Variants in ZNF575 observed in about 807,000 individuals in gnomAD.
ZNF575 encodes zinc finger protein 575.
ZNF575 carries 17 observed loss-of-function variants against 17.5 expected under a neutral mutation model. The ratio of observed to expected loss-of-function variants is 0.97; its 90% CI spans 0.66 to 1.45. The LOEUF is 1.45. Among genes scored for constraint, ZNF575 ranks in the 40% most tolerant of loss-of-function variants. The pLI, the probability that ZNF575 is intolerant of heterozygous loss-of-function variation, is 0.00. For synonymous variants in ZNF575, 146 were observed against 158.3 expected, an observed-to-expected ratio of 0.92 and a Z score of 0.58; for missense variants, 352 against 359.2, an observed-to-expected ratio of 0.98 and a Z score of 0.16.
At chr19:43,534,856 C>T (rs544849547) in intron 3 of ZNF575, among the ~76,000 whole-genome samples, 173 bp from the exon 4 acceptor site, 1 of 151,892 alleles carries the variant, frequency 6.6e-6, no homozygotes, top group African/African-American at 2.4e-5. Flanking sequence ...CTCAGAATGA[C>T]GCCTGGGGGG....
Position 43,535,620 on chromosome 19 carries a change from A to G in ZNF575, c.671A>G (p.Gln224Arg), listed in dbSNP as rs1445952386. 2 of 1,613,642 alleles carry G rather than the reference A, an allele frequency of 1.2e-6. No individual in the cohort carries two copies. The highest frequency in any genetic ancestry group is 1.3e-5 in the African/African-American group (1 of 75,062). The change falls in exon 4 of 4, where the codon CAG becomes CGG. Residue 224 changes from glutamine to arginine, a missense_variant. By Grantham distance (43) the Gln-to-Arg change is conservative. Transcript: ENST00000314228. ...RCSSCGQAFG[Q>R]RRLLLLHQRS... ...TCCAGCTGCGGCCAGGCCTTTGGCC[A>G]GAGACGCTTACTGCTCCTTCATCAA... is the stretch of plus-strand genomic sequence containing the variant.
upstream of ZNF575, among the ~76,000 whole-genome samples, chr19:43,532,630 C>G (rs747691967): frequency 3.1e-4 from 47 of 152,194 alleles, no homozygotes; most frequent in African/African-American, 2.4e-5. Flanking sequence ...GATCGCCAGA[C>G]CTTGCGGGTT....
chr19:43,532,626 C>T (rs1260142131), upstream of ZNF575, among the ~76,000 whole-genome samples: 1 of 152,164 alleles, frequency 6.6e-6, no homozygotes, highest in African/African-American at 2.4e-5. Context: ...CAGGGATCGC[C>T]AGACCTTGCG....
Position 43,533,879 on chromosome 19 carries a change from AACTGAG to A in ZNF575, c.-106_-101del, listed in dbSNP as rs1972376779. The A allele has an allele frequency of 6.5e-6, 1 of 153,154 alleles. No individual in the cohort carries two copies. Among genetic ancestry groups the A allele is most frequent in the Non-Finnish European group, 1.5e-5 (1 of 68,630 alleles). The allele number at this position is 153,154 out of a possible 1,614,324, so 9.5% of individuals were successfully genotyped here. On this transcript the variant is annotated 5_prime_UTR_variant, in exon 2 of 4. The change abolishes the stop of an existing upstream ORF in the 5' untranslated region. Transcript: ENST00000314228. ...GGGCGCAGTTGACGCGGCGTCAATGAACTGAGACTAAGTCAAAAGCCGGGTAAAGCT... is the reference window on the plus strand; with the variant it reads ...GGGCGCAGTTGACGCGGCGTCAATGAACTAAGTCAAAAGCCGGGTAAAGCT...
At position 43,535,074 on chromosome 19, in the gene ZNF575, G is replaced by A. The variant is rs541167010; in HGVS notation, c.125G>A (p.Gly42Glu). 15 of 1,490,766 alleles carry A rather than the reference G, an allele frequency of 1.0e-5. No individual in the cohort carries two copies. In the South Asian group the frequency reaches 1.4e-4, roughly 14 times the overall value. The allele number at this position is 1,490,766 out of a possible 1,614,324, so 92.3% of individuals were successfully genotyped here. Residue 42 changes from glycine to glutamate, a missense_variant, in exon 4 of 4, where the codon GGG becomes GAG. Gly to Glu is a moderately conservative substitution (Grantham distance 98, BLOSUM62 -2). Transcript: ENST00000314228. ...CAGAAGCCCAGCCAGTCAGCTCCAG[G>A]GCCCACCGCGTCCGCGGGCTCGCCT... ...PPQKPSQSAPGPTASAGSPPR... is the reference protein window; with the variant it reads ...PPQKPSQSAPEPTASAGSPPR...
intron 3 of ZNF575, among the ~76,000 whole-genome samples, chr19:43,534,708 C>T (rs1296425546): frequency 6.6e-6 from 1 of 152,190 alleles, no homozygotes; most frequent in African/African-American, 2.4e-5. Flanking sequence ...GGAAATGAGC[C>T]TTACAGAAGG....
Position 43,535,691 on chromosome 19 carries a change from C to A in ZNF575, c.*4C>A. On this transcript the variant is annotated 3_prime_UTR_variant, in exon 4 of 4. Coordinates refer to ENST00000314228, the MANE Select transcript of ZNF575 (RefSeq NM_174945.3). ...GCACAAGGGGGAGAGAGACTGAGCC[C>A]TCCCTTGGCTCACTGTCCCCTTCTG... The A allele has an allele frequency of 6.3e-7, 1 of 1,592,978 alleles. No individual in the cohort carries two copies. Among genetic ancestry groups the A allele is most frequent in the South Asian group, 1.1e-5 (1 of 89,560 alleles).
Position 43,534,449 on chromosome 19 carries a change from G to A in ZNF575, c.27G>A (p.Ala9=), listed in dbSNP as rs547809252. Residue 9 remains alanine (A), a synonymous_variant, in exon 3 of 4, where the codon GCG becomes GCA. Transcript: ENST00000314228. ...TGCTGGAGCGAGGCGCGGAGTCCGCGGCCGGGGCTACCGATCCTAGTCCCA... is the reference window on the plus strand; with the variant it reads ...TGCTGGAGCGAGGCGCGGAGTCCGCAGCCGGGGCTACCGATCCTAGTCCCA... MLERGAES[A]AGATDPSPTG... The A allele has an allele frequency of 6.5e-7, 1 of 1,542,668 alleles. No individual in the cohort carries two copies. Among genetic ancestry groups the A allele is most frequent in the Non-Finnish European group, 8.7e-7 (1 of 1,145,262 alleles).
At chr19:43,531,826 C>A (rs944412815), upstream of ZNF575, 3 of 689,742 alleles carry the variant, frequency 4.3e-6, no homozygotes, top group African/African-American at 1.8e-5. Context: ...CACTCTGTTG[C>A]GCAGGCTGGA....
At position 43,534,353 on chromosome 19, in the gene ZNF575, C is replaced by A. The variant is rs1395708012; in HGVS notation, c.-70C>A. Reference sequence around the variant, plus strand: ...TCATTTTAGGCCCTCCAACCCTATCCCCATCAGCCTGGTCATCACCGGCGT... The same window carrying A: ...TCATTTTAGGCCCTCCAACCCTATCACCATCAGCCTGGTCATCACCGGCGT... On this transcript the variant is annotated 5_prime_UTR_variant, in exon 3 of 4. Transcript: ENST00000314228. 7.0e-7 allele frequency: 1 copy of A among 1,432,752 alleles called. No homozygotes were observed. The highest frequency in any genetic ancestry group is 2.6e-5 in the East Asian group (1 of 39,004). The allele number at this position is 1,432,752 out of a possible 1,614,324, so 88.8% of individuals were successfully genotyped here.
upstream of ZNF575, chr19:43,531,739 A>G: frequency 1.8e-6 from 1 of 563,958 alleles, no homozygotes; most frequent in South Asian, 2.1e-5. Flanking sequence ...GGAAGAGTGG[A>G]TGGGGGGTAA....
rs1161924813 is a variant in ZNF575 at position 43,535,976 on chromosome 19, T to C, written c.*289T>C. 9 of 414,628 alleles carry C rather than the reference T, an allele frequency of 2.2e-5. No homozygotes were observed. The South Asian group carries it at 2.9e-4, about 13-fold the overall frequency. The allele number at this position is 414,628 out of a possible 1,614,324, so 25.7% of individuals were successfully genotyped here. A position where few individuals can be genotyped will look rare whatever the true frequency, so the allele number is the denominator to read the frequency against. ...TAAAAAGTCTGCTACTATCGTGGGT[T>C]GATGAGGATTGTGGGCAAACAGGCT... is the stretch of plus-strand genomic sequence containing the variant. On this transcript the variant is annotated 3_prime_UTR_variant, in exon 4 of 4. Coordinates refer to ENST00000314228, the MANE Select transcript of ZNF575 (RefSeq NM_174945.3).
At chr19:43,531,588 A>AAG (rs72253278), upstream of ZNF575, among the ~76,000 whole-genome samples, 2 of 151,678 alleles carry the variant, frequency 1.3e-5, no homozygotes, top group Non-Finnish European at 2.9e-5. Flanking sequence ...TCTCAAAAAA[A>AAG]AGAGAGAGAG....
chr19:43,533,982 C>T (rs1972378355), intron 2 of ZNF575, 80 bp downstream of exon 2: 1 of 175,928 alleles, frequency 5.7e-6, no homozygotes, highest in Non-Finnish European at 1.2e-5. Flanking sequence ...AAAGACCTGC[C>T]CACTCCGCTC....
Position 43,533,434 on chromosome 19 carries a change from G to T in ZNF575, c.-282G>T, listed in dbSNP as rs1270260960. The T allele has an allele frequency of 6.6e-6, 1 of 152,108 alleles. No individual in the cohort carries two copies. Among genetic ancestry groups the T allele is most frequent in the Non-Finnish European group, 1.5e-5 (1 of 68,020 alleles). 9.4% of individuals were successfully genotyped at this position (152,108 alleles called of 1,614,324 possible). ...GCGGGGCAGCTCCGCTGGTCCGAGG[G>T]CAGTGCAGCAGCGGCGACAGCGGCT... is the stretch of plus-strand genomic sequence containing the variant. On this transcript the variant is annotated 5_prime_UTR_variant, in exon 1 of 4. Coordinates refer to ENST00000314228, the MANE Select transcript of ZNF575 (RefSeq NM_174945.3).
rs142741027 is a variant in ZNF575, at chr19:43,535,930, C to T, written c.*243C>T. ...TGACAGCGCTGGCTCTGCTTCTCCC[C>T]ACACACTTACATGGCAAAGGTAAAA... is the stretch of plus-strand genomic sequence containing the variant. On this transcript the variant is annotated 3_prime_UTR_variant, in exon 4 of 4. Transcript: ENST00000314228. The T allele has an allele frequency of 5.4e-3, 3,001 of 555,090 alleles. 14 individuals carry two copies. Among genetic ancestry groups the T allele is most frequent in the Non-Finnish European group, 7.7e-3 (2,398 of 312,726 alleles). The allele number at this position is 555,090 out of a possible 1,614,324, so 34.4% of individuals were successfully genotyped here. A position where few individuals can be genotyped will look rare whatever the true frequency, so the allele number is the denominator to read the frequency against.
chr19:43,531,899 C>T (rs552088705), upstream of ZNF575: 297 of 583,854 alleles, frequency 5.1e-4, no homozygotes, highest in Non-Finnish European at 8.4e-4. Flanking sequence ...CCACTCCCTA[C>T]CCCCGTGAAA....
Position 43,535,759 on chromosome 19 carries a change from CTGTA to C in ZNF575, c.*75_*78del. 3 of 1,466,126 alleles carry C rather than the reference CTGTA, an allele frequency of 2.0e-6. No individual in the cohort carries two copies. Among genetic ancestry groups the C allele is most frequent in the Non-Finnish European group, 2.7e-6 (3 of 1,100,932 alleles). 90.8% of individuals were successfully genotyped at this position (1,466,126 alleles called of 1,614,324 possible). On this transcript the variant is annotated 3_prime_UTR_variant, in exon 4 of 4. Coordinates refer to ENST00000314228, the MANE Select transcript of ZNF575 (RefSeq NM_174945.3). ...TAAGAGGTGGGATTTCTAAGACCGA[CTGTA>C]TGAGCTCGCCTCTTCCAGATAGCTG...
At position 43,534,377 on chromosome 19, in the gene ZNF575, G is replaced by A; in HGVS notation, c.-46G>A. 2 of 1,531,546 alleles carry A rather than the reference G, an allele frequency of 1.3e-6. No individual in the cohort carries two copies. Among genetic ancestry groups the A allele is most frequent in the Admixed American group, 2.0e-5 (1 of 49,652 alleles). The allele number at this position is 1,531,546 out of a possible 1,614,324, so 94.9% of individuals were successfully genotyped here. ...CCCCATCAGCCTGGTCATCACCGGC[G>A]TCACCCCCGCCCCGCGCCCTGCCCC... On this transcript the variant is annotated 5_prime_UTR_variant, in exon 3 of 4. Coordinates refer to ENST00000314228, the MANE Select transcript of ZNF575 (RefSeq NM_174945.3).
Sources: allele counts gnomAD v4.1 joint callset (sites outside exome capture counted in the v4.1 genomes callset), GRCh38; gene constraint gnomAD v4.1.1; transcripts MANE v1.5; gene names NCBI Gene and HGNC (gene_info 2026-07-23, HGNC 2026-07-21).